The following SBF2 variants were observed in gnomAD, a reference collection of about 807,000 sequenced individuals.
SBF2 encodes the protein SET binding factor 2.
In SBF2, 112 loss-of-function variants were observed where a neutral mutation model predicts 225.2. The ratio of observed to expected loss-of-function variants is 0.50; its 90% CI spans 0.43 to 0.58. SBF2 has a LOEUF of 0.58. Among genes scored for constraint, SBF2 ranks in the 20% least tolerant of loss-of-function variants. The pLI, the probability that SBF2 is intolerant of heterozygous loss-of-function variation, is 0.00. For missense variants in SBF2, 1,996 were observed against 2,206.2 expected (o/e 0.90, Z 1.91); for synonymous variants, 763 against 773.3 (o/e 0.99, Z 0.22).
At chr11:9,926,667 T>C (rs977971587) in intron 16 of SBF2, among the ~76,000 whole-genome samples, 27 of 151,824 alleles carry the variant, frequency 1.8e-4, no homozygotes, top group Non-Finnish European at 8.8e-5. Flanking sequence ...AAAGAAGAAA[T>C]CAAAAGGGAA....
rs541800182 is a variant in SBF2, at chr11:10,164,106, C to A, written c.141+29796G>T. Among the ~76,000 whole-genome samples, 13 of 152,282 alleles carry A rather than the reference C, an allele frequency of 8.5e-5. No individual in the cohort carries two copies. The South Asian group carries it at 2.7e-3, about 32-fold the overall frequency. Reference sequence around the variant, plus strand: ...ATTCCATATTCAATTAGTCATCCAACCAAACCCTGTCAATTAAATACTCCA... The same window carrying A: ...ATTCCATATTCAATTAGTCATCCAAACAAACCCTGTCAATTAAATACTCCA... On this transcript the variant is annotated intron_variant, in intron 2 of 39. Coordinates refer to ENST00000256190, the MANE Select transcript of SBF2 (RefSeq NM_030962.4).
intron 6 of SBF2, 32 bp from the exon 7 acceptor site, chr11:10,002,721 C>A (rs1423170804): frequency 3.1e-6 from 5 of 1,605,262 alleles, no homozygotes; most frequent in Non-Finnish European, 4.3e-6. Context: ...CTTACAAATG[C>A]ATTTAATTTT....
rs959620132 is a variant in SBF2, at chr11:9,934,224, C to G, written c.1860+27733G>C. ...AAAATCTAGAAGAAATGGATAAATT[C>G]CTGGACACATACACCCTCCCAAGAC... On this transcript the variant is annotated intron_variant, in intron 16 of 39. Coordinates refer to ENST00000256190, the MANE Select transcript of SBF2 (RefSeq NM_030962.4). Among the ~76,000 whole-genome samples the G allele has an allele frequency of 2.0e-5, 3 of 152,158 alleles. No homozygotes were observed. The South Asian group carries it at 6.2e-4, about 32-fold the overall frequency.
chr11:10,146,233 T>C (rs998564303), intron 2 of SBF2, among the ~76,000 whole-genome samples: 9 of 152,080 alleles, frequency 5.9e-5, no homozygotes. Context: ...TTAAAATTCA[T>C]ATGGAACCAA....
At chr11:10,028,723 T>A (rs910731775) in intron 5 of SBF2, among the ~76,000 whole-genome samples, 166 bp from the exon 6 acceptor site, 4 of 152,256 alleles carry the variant, frequency 2.6e-5, no homozygotes, top group African/African-American at 9.6e-5. Flanking sequence ...GTTCTTTGTA[T>A]ACTTAAGTGG....
intron 3 of SBF2, among the ~76,000 whole-genome samples, chr11:10,037,842 GT>G (rs2134662637): frequency 6.6e-6 from 1 of 151,930 alleles, no homozygotes; most frequent in African/African-American, 2.4e-5. Flanking sequence ...TTTGTGTGTG[GT>G]TTTCTCCACT....
intron 9 of SBF2, among the ~76,000 whole-genome samples, chr11:9,997,297 T>C (rs12294344): frequency 6.6e-6 from 1 of 152,148 alleles, no homozygotes; most frequent in Non-Finnish European, 1.5e-5. Flanking sequence ...TTTCTGATCA[T>C]AAGCACCTAA....
intron 2 of SBF2, among the ~76,000 whole-genome samples, chr11:10,130,032 C>T (rs1405762548): frequency 6.6e-6 from 1 of 151,282 alleles, no homozygotes; most frequent in Non-Finnish European, 1.5e-5. Flanking sequence ...AAAGAAAAAA[C>T]CAAAAAGGGA....
chr11:9,845,864 T>C, intron 23 of SBF2, 124 bp from the exon 24 acceptor site: 1 of 823,928 alleles, frequency 1.2e-6, no homozygotes, highest in Non-Finnish European at 2.0e-6. Context: ...TTGGATAACA[T>C]GCAATACAAT....
intron 6 of SBF2, among the ~76,000 whole-genome samples, chr11:10,008,002 C>G (rs1248732833): frequency 6.6e-6 from 1 of 152,192 alleles, no homozygotes; most frequent in African/African-American, 2.4e-5. Flanking sequence ...CAAATTCTGT[C>G]TAAGGGAGAA....
chr11:9,963,955 A>G (rs886387449), intron 14 of SBF2, 73 bp from the exon 15 acceptor site: 1 of 865,192 alleles, frequency 1.2e-6, no homozygotes, highest in African/African-American at 1.7e-5. Flanking sequence ...AGAGACTACT[A>G]CTTTAAGACT....
chr11:9,931,423 C>T (rs1015554133), intron 16 of SBF2, among the ~76,000 whole-genome samples: 2 of 152,236 alleles, frequency 1.3e-5, no homozygotes, highest in Non-Finnish European at 2.9e-5. Flanking sequence ...GATCAGGCAG[C>T]AGTATTTGCT....
At position 9,908,851 on chromosome 11, in the gene SBF2, A is replaced by AT. The variant is rs34026186; in HGVS notation, c.1861-12841dup. 5.2e-4 allele frequency among the ~76,000 whole-genome samples: 65 copies of AT among 125,366 alleles called. 1 individual carries two copies. Among genetic ancestry groups the AT allele is most frequent in the Non-Finnish European group, 6.4e-4 (38 of 59,474 alleles). 82.2% of individuals were successfully genotyped at this position (125,366 alleles called of 152,430 possible). A position where few individuals can be genotyped will look rare whatever the true frequency, so the allele number is the denominator to read the frequency against. ...AGGCATGTGCCACTGCGCATGGCTAATTTTTTTTTTTTTTTTTGTAAAGAT... is the reference window on the plus strand; with the variant it reads ...AGGCATGTGCCACTGCGCATGGCTAATTTTTTTTTTTTTTTTTTGTAAAGAT... On this transcript the variant is annotated intron_variant, in intron 16 of 39. Coordinates refer to ENST00000256190, the MANE Select transcript of SBF2 (RefSeq NM_030962.4).
chr11:10,133,408 G>A (rs1591034021), intron 2 of SBF2, among the ~76,000 whole-genome samples: 2 of 149,410 alleles, frequency 1.3e-5, no homozygotes, highest in South Asian at 4.2e-4. Context: ...GAGTGGGTGG[G>A]AGGCTTAGGC....
chr11:10,257,689 A>AAAT (rs1960988657), intron 1 of SBF2, among the ~76,000 whole-genome samples: 1 of 149,406 alleles, frequency 6.7e-6, no homozygotes, highest in Non-Finnish European at 1.5e-5. Context: ...AAAAAAAAAA[A>AAAT]AGAAATGCTG....
chr11:9,895,786 CACAT>C (rs1861203951), intron 17 of SBF2, among the ~76,000 whole-genome samples, 153 bp downstream of exon 17: 1 of 152,202 alleles, frequency 6.6e-6, no homozygotes. Flanking sequence ...AAATTTCCTA[CACAT>C]AGCATGCAAT....
intron 2 of SBF2, among the ~76,000 whole-genome samples, chr11:10,089,170 A>G (rs991557104): frequency 6.6e-6 from 1 of 152,146 alleles, no homozygotes; most frequent in Non-Finnish European, 1.5e-5. Flanking sequence ...TGTACACTGA[A>G]CCCATTCAGT....
intron 16 of SBF2, among the ~76,000 whole-genome samples, chr11:9,914,556 C>T (rs969006510): frequency 1.3e-5 from 2 of 152,078 alleles, no homozygotes; most frequent in Non-Finnish European, 2.9e-5. Flanking sequence ...GACCAGATAC[C>T]TTAGTGTAAA....
At chr11:10,288,684 C>T (rs1245558676) in intron 1 of SBF2, among the ~76,000 whole-genome samples, 2 of 152,102 alleles carry the variant, frequency 1.3e-5, no homozygotes, top group African/African-American at 4.8e-5. Context: ...TGGGAAGCTC[C>T]TCTCTTTAGG....
Sources: allele counts gnomAD v4.1 joint callset (sites outside exome capture counted in the v4.1 genomes callset), GRCh38; gene constraint gnomAD v4.1.1; transcripts MANE v1.5; gene names NCBI Gene and HGNC (gene_info 2026-07-23, HGNC 2026-07-21).